GLIS3: variants seen among roughly 807,000 people sequenced by gnomAD.
The protein encoded by GLIS3 is zinc finger protein GLIS3.
GLIS3 carries 53 observed loss-of-function variants against 78.6 expected under a neutral mutation model. The observed-to-expected ratio is 0.67, with a 90% CI of 0.54 to 0.85. The LOEUF (loss-of-function observed/expected upper bound fraction) is 0.85. GLIS3 is among the 40% of genes least tolerant of loss of function. GLIS3 has a pLI of 0.00. For synonymous variants in GLIS3, 684 were observed against 509.9 expected, an observed-to-expected ratio of 1.34 and a Z score of -4.60; for missense variants, 1,703 against 1,231.1, an observed-to-expected ratio of 1.38 and a Z score of -5.74.
At chr9:4,339,157 A>G (rs1231823783) in intron 2 of GLIS3, among the ~76,000 whole-genome samples, 1 of 152,172 alleles carries the variant, frequency 6.6e-6, no homozygotes, top group African/African-American at 2.4e-5. Context: ...CTTGGCTTAT[A>G]TATTTGGTGG....
intron 4 of GLIS3, among the ~76,000 whole-genome samples, chr9:3,974,226 A>G (rs1588357042): frequency 6.6e-6 from 1 of 152,288 alleles, no homozygotes; most frequent in East Asian, 1.9e-4. Context: ...ACTGAGTTTG[A>G]ATAAATTAAT....
intron 8 of GLIS3, among the ~76,000 whole-genome samples, chr9:3,872,002 G>C (rs954432808): frequency 2.6e-5 from 4 of 152,120 alleles, no homozygotes; most frequent in African/African-American, 9.7e-5. Flanking sequence ...ATGCTTTGCT[G>C]CTCTGAAATT....
chr9:3,991,683 A>ATTTTTTT (rs59495657), intron 4 of GLIS3, among the ~76,000 whole-genome samples: 1 of 87,900 alleles, frequency 1.1e-5, no homozygotes, highest in Non-Finnish European at 2.0e-5. Context: ...AAGTAGGCTG[A>ATTTTTTT]TTTTTTTTTT....
At chr9:4,304,161 T>A (rs191091231), upstream of GLIS3, among the ~76,000 whole-genome samples, 10 of 152,224 alleles carry the variant, frequency 6.6e-5, no homozygotes, top group African/African-American at 1.9e-4. Context: ...TTGTTATGTA[T>A]GTGTATAATC....
At chr9:4,178,220 T>C (rs1338106531) in intron 2 of GLIS3, among the ~76,000 whole-genome samples, 1 of 152,206 alleles carries the variant, frequency 6.6e-6, no homozygotes, top group Admixed American at 6.5e-5. Flanking sequence ...ATCTTAGAGT[T>C]GCTGAGTAAG....
chr9:3,953,303 T>C (rs1257693391), intron 4 of GLIS3, among the ~76,000 whole-genome samples: 1 of 152,228 alleles, frequency 6.6e-6, no homozygotes, highest in African/African-American at 2.4e-5. Context: ...AATTGTTACA[T>C]ATGCAGCACT....
intron 4 of GLIS3, among the ~76,000 whole-genome samples, chr9:4,024,151 C>T (rs937094487): frequency 8.5e-5 from 13 of 152,052 alleles, no homozygotes; most frequent in Non-Finnish European, 1.5e-4. Context: ...AGAGCCAGAG[C>T]GAGGCAATTC....
At chr9:3,886,724 TTTAA>T (rs1428408472) in intron 7 of GLIS3, among the ~76,000 whole-genome samples, 1 of 152,166 alleles carries the variant, frequency 6.6e-6, no homozygotes, top group Non-Finnish European at 1.5e-5. Flanking sequence ...CTTGGAGCAA[TTTAA>T]TTGTGTTGTC....
chr9:4,314,508 G>T (rs574940657), intron 2 of GLIS3, among the ~76,000 whole-genome samples: 1 of 152,356 alleles, frequency 6.6e-6, no homozygotes, highest in South Asian at 2.1e-4. Context: ...CTAGAACTTT[G>T]ATGATGCTAT....
chr9:4,361,799 C>G, the GLIS3 span, among the ~76,000 whole-genome samples: 6 of 152,148 alleles, frequency 3.9e-5, no homozygotes, highest in Non-Finnish European at 7.3e-5. Context: ...ATCTTAAAAC[C>G]CTAAATTTGG....
At chr9:4,301,887 C>A (rs1039332421), upstream of GLIS3, among the ~76,000 whole-genome samples, 1 of 152,112 alleles carries the variant, frequency 6.6e-6, no homozygotes, top group African/African-American at 2.4e-5. Context: ...TTATAAGAGC[C>A]CAAGAGTGGG....
intron 2 of GLIS3, among the ~76,000 whole-genome samples, chr9:4,316,556 G>A (rs1587381910): frequency 6.6e-6 from 1 of 152,150 alleles, no homozygotes; most frequent in African/African-American, 2.4e-5. Context: ...GTCTATGTGG[G>A]TTTTCTCTGG....
intron 4 of GLIS3, among the ~76,000 whole-genome samples, chr9:4,108,111 G>T (rs1323224707): frequency 6.6e-6 from 1 of 152,208 alleles, no homozygotes; most frequent in Admixed American, 6.5e-5. Flanking sequence ...ACTTAGCTCT[G>T]AGGGTGATAG....
chr9:4,278,920 G>A (rs1456401456), intron 2 of GLIS3, among the ~76,000 whole-genome samples: 1 of 152,160 alleles, frequency 6.6e-6, no homozygotes, highest in Non-Finnish European at 1.5e-5. Flanking sequence ...TAGTGTTCTT[G>A]TCAAAAATAT....
chr9:4,322,041 A>C (rs1234926840), intron 2 of GLIS3, among the ~76,000 whole-genome samples: 7 of 151,936 alleles, frequency 4.6e-5, no homozygotes, highest in Non-Finnish European at 1.0e-4. Flanking sequence ...CCCCGAGCCC[A>C]CGACAGGCCC....
At chr9:4,226,133 G>A (rs979858476) in intron 2 of GLIS3, among the ~76,000 whole-genome samples, 3 of 152,150 alleles carry the variant, frequency 2.0e-5, no homozygotes, top group Admixed American at 6.5e-5. Flanking sequence ...CTGCCTCTGA[G>A]ACAGTCACAT....
chr9:3,913,683 TTTTA>T (rs1355380192), intron 6 of GLIS3, among the ~76,000 whole-genome samples: 1 of 152,222 alleles, frequency 6.6e-6, no homozygotes, highest in African/African-American at 2.4e-5. Flanking sequence ...TCCAAAGTAA[TTTTA>T]TTCTTTTTCA....
intron 4 of GLIS3, among the ~76,000 whole-genome samples, chr9:4,117,004 T>C (rs1054658487): frequency 1.3e-5 from 2 of 152,176 alleles, no homozygotes; most frequent in South Asian, 2.1e-4. Flanking sequence ...TATTCAAAAA[T>C]AGTAAATTTT....
At chr9:3,844,422 A>C (rs186794000) in intron 9 of GLIS3, among the ~76,000 whole-genome samples, 1 of 152,338 alleles carries the variant, frequency 6.6e-6, no homozygotes, top group Admixed American at 6.5e-5. Context: ...AAAAACAATT[A>C]ATTCATTTTA....
Sources: gnomAD v4.1 joint callset for allele counts (sites outside exome capture counted in the v4.1 genomes callset) on GRCh38, gnomAD v4.1.1 for gene constraint, MANE v1.5 for transcripts, NCBI Gene and HGNC (gene_info 2026-07-23, HGNC 2026-07-21) for gene names.